CCDC175: variants seen among roughly 807,000 people sequenced by gnomAD.
CCDC175 encodes coiled-coil domain containing 175, also known as coiled-coil domain-containing protein 175.
In CCDC175, 100 loss-of-function variants were observed where a neutral mutation model predicts 114.6. The ratio of observed to expected loss-of-function variants is 0.87; its 90% CI spans 0.74 to 1.03. The LOEUF is 1.03. Ranked by LOEUF, CCDC175 falls within the 50% of genes least tolerant of loss-of-function variation. The pLI is 0.00. For synonymous variants in CCDC175, 306 were observed against 308.7 expected (o/e 0.99, Z 0.09); for missense variants, 880 against 917.8 (o/e 0.96, Z 0.53).
chr14:59,553,955 A>T (rs1895699981), intron 7 of CCDC175, among the ~76,000 whole-genome samples: 1 of 152,228 alleles, frequency 6.6e-6, no homozygotes, highest in African/African-American at 2.4e-5. Flanking sequence ...GAGCACCCAG[A>T]TTCATAAAGC....
chr14:59,505,436 G>A (rs547828356), intron 19 of CCDC175, 121 bp from the exon 20 acceptor site: 42 of 368,256 alleles, frequency 1.1e-4, no homozygotes, highest in Admixed American at 4.0e-4. Context: ...TTGTATAATC[G>A]GGGTAGAGTA....
intron 17 of CCDC175, among the ~76,000 whole-genome samples, chr14:59,513,881 T>A (rs1484543341): frequency 6.6e-6 from 1 of 152,110 alleles, no homozygotes; most frequent in African/African-American, 2.4e-5. Context: ...AAGCACGTCC[T>A]TGACCCCCGA....
At chr14:59,555,548 C>T (rs1340733811) in intron 7 of CCDC175, among the ~76,000 whole-genome samples, 3 of 152,202 alleles carry the variant, frequency 2.0e-5, no homozygotes, top group African/African-American at 2.4e-5. Context: ...CCTTGGAAAA[C>T]TGGCACATCA....
Position 59,527,129 on chromosome 14 carries a change from A to G in CCDC175, c.1808T>C (p.Phe603Ser), listed in dbSNP as rs1247294619. The G allele has an allele frequency of 1.1e-5, 16 of 1,497,042 alleles. No homozygotes were observed. The highest frequency in any genetic ancestry group is 1.4e-5 in the Non-Finnish European group (16 of 1,129,060). 92.7% of individuals were successfully genotyped at this position (1,497,042 alleles called of 1,614,324 possible). ...EDLLNNHIFL[F>S]TRDFSRYISN... ...AATGTATCTTGAAAAGTCCCTTGTA[A>G]ACAGAAAAATGTGATTGTTCAGTAA... The change falls in exon 15 of 20, where the codon TTT (phenylalanine) becomes TCT (serine). Residue 603 changes from phenylalanine (F) to serine (S), a missense_variant. Transcript: ENST00000537690.
intron 8 of CCDC175, among the ~76,000 whole-genome samples, chr14:59,547,792 A>G: frequency 6.6e-6 from 1 of 152,244 alleles, no homozygotes; most frequent in East Asian, 1.9e-4. Flanking sequence ...CATAGAGAAC[A>G]TTAACTAAAA....
rs1338341428 is a variant in CCDC175, at chr14:59,513,414, T to C, written c.2099-1611A>G. Reference sequence around the variant, plus strand: ...GAAGGGGTCAGGGAATTCCCTTTCCTAGTCAAAGAAAGGGGTGATGGATGG... The same window carrying C: ...GAAGGGGTCAGGGAATTCCCTTTCCCAGTCAAAGAAAGGGGTGATGGATGG... On this transcript the variant is annotated intron_variant, in intron 17 of 19. Transcript: ENST00000537690. Among the ~76,000 whole-genome samples, 5 of 152,278 alleles carry C rather than the reference T, an allele frequency of 3.3e-5. No individual in the cohort carries two copies. The East Asian group carries it at 9.7e-4, about 29-fold the overall frequency.
intron 17 of CCDC175, 90 bp from the exon 18 acceptor site, chr14:59,511,893 AATT>A (rs1341274694): frequency 2.1e-6 from 2 of 960,328 alleles, no homozygotes; most frequent in Non-Finnish European, 3.1e-6. Context: ...TTTTTTCAAA[AATT>A]ATTTTTATCT....
chr14:59,511,601 T>A (rs1892753000), intron 18 of CCDC175, among the ~76,000 whole-genome samples, 159 bp downstream of exon 18: 2 of 141,896 alleles, frequency 1.4e-5, no homozygotes, highest in South Asian at 4.5e-4. Context: ...CACAGTAGCA[T>A]CTAGGACTGC....
intron 17 of CCDC175, among the ~76,000 whole-genome samples, chr14:59,513,212 A>C (rs1892851635): frequency 6.6e-6 from 1 of 152,252 alleles, no homozygotes; most frequent in Non-Finnish European, 1.5e-5. Context: ...GAATAGGAAC[A>C]GCTCCAGTCT....
At chr14:59,530,598 G>A (rs1299740610) in intron 14 of CCDC175, among the ~76,000 whole-genome samples, 3 of 152,032 alleles carry the variant, frequency 2.0e-5, no homozygotes, top group Non-Finnish European at 4.4e-5. Flanking sequence ...CAAGAAAGTG[G>A]AAAATCATCT....
intron 14 of CCDC175, among the ~76,000 whole-genome samples, chr14:59,530,695 A>G (rs1038826980): frequency 3.3e-5 from 5 of 151,986 alleles, no homozygotes; most frequent in Non-Finnish European, 7.4e-5. Flanking sequence ...GGCAATAATC[A>G]CTATTCACTT....
chr14:59,556,143 G>A (rs1056346802), intron 7 of CCDC175, among the ~76,000 whole-genome samples: 61 of 152,178 alleles, frequency 4.0e-4, no homozygotes, highest in African/African-American at 6.5e-4. Context: ...AAAAGAGCCC[G>A]CATCACCAAG....
In CCDC175 at chr14:59,550,000, T is replaced by G. The variant is rs1595046610; in HGVS notation, c.1035+1355A>C. On this transcript the variant is annotated intron_variant, in intron 8 of 19. Coordinates refer to ENST00000537690, the MANE Select transcript of CCDC175 (RefSeq NM_001164399.2). ...ATCTCAGCTCACTGCAACCTCTGTC[T>G]CCCAGGTTCAAGCAATTCTCCTGTC... Among the ~76,000 whole-genome samples, 3 of 152,196 alleles carry G rather than the reference T, an allele frequency of 2.0e-5. No homozygotes were observed. The South Asian group carries it at 6.2e-4, about 32-fold the overall frequency.
chr14:59,510,641 C>T lies in CCDC175; in HGVS notation c.2305+5G>A, dbSNP rs746482767. The T allele has an allele frequency of 4.7e-5, 73 of 1,536,968 alleles. No homozygotes were observed. The African/African-American group carries it at 9.6e-4, about 20-fold the overall frequency. On this transcript the variant is annotated splice_donor_5th_base_variant and intron_variant, in intron 19 of 19. Coordinates refer to ENST00000537690, the MANE Select transcript of CCDC175 (RefSeq NM_001164399.2). The stretch of plus-strand genomic sequence containing the variant: ...ATGTTACCAAAGCTCTAAGCTGTTG[C>T]TTACTAAGAAGGTCCATTGGTGATT...
intron 4 of CCDC175, among the ~76,000 whole-genome samples, chr14:59,567,255 G>C (rs924309506): frequency 6.6e-5 from 10 of 152,208 alleles, no homozygotes; most frequent in African/African-American, 2.2e-4. Context: ...CCCCAACAGG[G>C]ATTAGAGTAT....
rs537604712 is a variant in CCDC175, at chr14:59,563,885, A to C, written c.721-26T>G. 6.6e-6 allele frequency: 9 copies of C among 1,355,642 alleles called. No individual in the cohort carries two copies. In the African/African-American group the frequency reaches 1.4e-4, roughly 21 times the overall value. 84.0% of individuals were successfully genotyped at this position (1,355,642 alleles called of 1,614,324 possible). A position where few individuals can be genotyped will look rare whatever the true frequency, so the allele number is the denominator to read the frequency against. ...CTATAGTGACAAGCATAAGAAACCA[A>C]TTTAAAAAGCCTATTAGCACAACAA... On this transcript the variant is annotated intron_variant, in intron 5 of 19. Coordinates refer to ENST00000537690, the MANE Select transcript of CCDC175 (RefSeq NM_001164399.2).
At chr14:59,533,987 T>TAAAAAAAAAAAAA (rs3084296) in intron 13 of CCDC175, among the ~76,000 whole-genome samples, 1 of 133,608 alleles carries the variant, frequency 7.5e-6, no homozygotes, top group African/African-American at 2.8e-5. Flanking sequence ...AGACCCCTTT[T>TAAAAAAAAAAAAA]AAAAAAAAAA....
At chr14:59,527,761 T>C (rs997974239) in intron 14 of CCDC175, among the ~76,000 whole-genome samples, 10 of 152,198 alleles carry the variant, frequency 6.6e-5, no homozygotes, top group Non-Finnish European at 1.3e-4. Flanking sequence ...ATTTCACATA[T>C]AGTCAAACAC....
intron 6 of CCDC175, 72 bp from the exon 7 acceptor site, chr14:59,561,300 T>C (rs1031919365): frequency 5.7e-6 from 4 of 706,596 alleles, no homozygotes; most frequent in African/African-American, 5.3e-5. Flanking sequence ...TCAATTCCAC[T>C]CAATATTCAT....
Sources: allele counts gnomAD v4.1 joint callset (sites outside exome capture counted in the v4.1 genomes callset), GRCh38; gene constraint gnomAD v4.1.1; transcripts MANE v1.5; gene names NCBI Gene and HGNC (gene_info 2026-07-23, HGNC 2026-07-21).